Variants in LINGO1 observed in about 807,000 individuals in gnomAD.
The protein encoded by LINGO1 is leucine-rich repeat and immunoglobulin-like domain-containing nogo receptor-interacting protein 1.
In LINGO1, 11 loss-of-function variants were observed where a neutral mutation model predicts 37.3. The observed-to-expected ratio is 0.29, with a 90% CI of 0.19 to 0.49. The LOEUF (loss-of-function observed/expected upper bound fraction) is 0.49. Among genes scored for constraint, LINGO1 ranks in the 20% least tolerant of loss-of-function variants. The pLI, the probability that LINGO1 is intolerant of heterozygous loss-of-function variation, is 0.99. For synonymous variants in LINGO1, 387 were observed against 403.0 expected (o/e 0.96, Z 0.48); for missense variants, 585 against 878.2 (o/e 0.67, Z 4.22).
chr15:77,754,475 T>G (rs546696935), intron 1 of LINGO1, among the ~76,000 whole-genome samples: 1 of 152,248 alleles, frequency 6.6e-6, no homozygotes, highest in African/African-American at 2.4e-5. Flanking sequence ...CTGATTTGCA[T>G]GTATTGAGCA....
At chr15:77,808,320 G>T (rs970547467) in intron 1 of LINGO1, among the ~76,000 whole-genome samples, 5 of 152,140 alleles carry the variant, frequency 3.3e-5, no homozygotes, top group African/African-American at 1.2e-4. Context: ...CAGTTTCGCC[G>T]CAAGGCCTTT....
At chr15:77,795,924 A>C (rs1461116060) in intron 2 of LINGO1, 1 of 152,316 alleles carries the variant, frequency 6.6e-6, no homozygotes, top group African/African-American at 2.4e-5. Context: ...CCTGCCACCC[A>C]GAGTGGCATC....
In LINGO1 at chr15:77,763,022, A is replaced by G. The variant is rs1227611933; in HGVS notation, c.-257+23847T>C. Among the ~76,000 whole-genome samples the G allele has an allele frequency of 2.0e-5, 3 of 152,242 alleles. No individual in the cohort carries two copies. The South Asian group carries it at 6.2e-4, about 31-fold the overall frequency. On this transcript the variant is annotated intron_variant, in intron 1 of 3. Transcript: ENST00000561686. ...GGAAGACCAAAAATGAGGAGCCATCAGAGAACTGCCGAGAAAGGGAGGTGC... is the reference window on the plus strand; with the variant it reads ...GGAAGACCAAAAATGAGGAGCCATCGGAGAACTGCCGAGAAAGGGAGGTGC...
At position 77,691,481 on chromosome 15, in the gene LINGO1, C is replaced by A. The variant is rs2075601930; in HGVS notation, c.-280-580G>T. 2.6e-5 allele frequency among the ~76,000 whole-genome samples: 4 copies of A among 151,350 alleles called. No homozygotes were observed. The South Asian group carries it at 8.4e-4, about 32-fold the overall frequency. ...TGTCTTGATACCCATGCTGCCATCC[C>A]TAGGGAAGGGATGTCCCTGGGGAAG... On this transcript the variant is annotated intron_variant, in intron 1 of 3. Transcript: ENST00000559893.
intron 1 of LINGO1, among the ~76,000 whole-genome samples, chr15:77,811,909 A>G (rs2077008571): frequency 6.6e-6 from 1 of 151,724 alleles, no homozygotes; most frequent in Admixed American, 6.6e-5. Flanking sequence ...TATTCTCTCT[A>G]CTTTTTCGTA....
chr15:77,812,457 CA>C (rs879531983), intron 1 of LINGO1, among the ~76,000 whole-genome samples: 1 of 152,326 alleles, frequency 6.6e-6, no homozygotes, highest in Admixed American at 6.5e-5. Flanking sequence ...AGACTGGAAG[CA>C]AAATAAGGAA....
chr15:77,760,510 GA>G (rs2076464535), intron 1 of LINGO1, among the ~76,000 whole-genome samples: 2 of 152,244 alleles, frequency 1.3e-5, no homozygotes, highest in Admixed American at 6.5e-5. Flanking sequence ...TGGAAAAGTT[GA>G]ATCTGGCCAC....
At chr15:77,753,406 G>A (rs776398754) in intron 1 of LINGO1, among the ~76,000 whole-genome samples, 3 of 152,244 alleles carry the variant, frequency 2.0e-5, no homozygotes, top group Non-Finnish European at 2.9e-5. Flanking sequence ...TGGAGGCTAT[G>A]TTCAGCTGGG....
intron 3 of LINGO1, among the ~76,000 whole-genome samples, chr15:77,640,742 G>C (rs2074484934): frequency 6.6e-6 from 1 of 152,304 alleles, no homozygotes; most frequent in Non-Finnish European, 1.5e-5. Context: ...AACAGGAGAG[G>C]CTTCCTGGGG....
At chr15:77,781,034 G>A (rs1466500130) in intron 1 of LINGO1, among the ~76,000 whole-genome samples, 2 of 152,232 alleles carry the variant, frequency 1.3e-5, no homozygotes, top group Admixed American at 1.3e-4. Flanking sequence ...GACAAGCCTG[G>A]GCTGACTGTA....
intron 1 of LINGO1, among the ~76,000 whole-genome samples, chr15:77,781,855 C>T (rs986151036): frequency 1.3e-5 from 2 of 152,168 alleles, no homozygotes; most frequent in Admixed American, 6.5e-5. Flanking sequence ...CCCTCAGGGC[C>T]CCCGGCCAGA....
intron 1 of LINGO1, among the ~76,000 whole-genome samples, chr15:77,796,887 ATT>A (rs1168866541): frequency 6.6e-6 from 1 of 151,902 alleles, no homozygotes; most frequent in African/African-American, 2.4e-5. Context: ...TAATTTTTTA[ATT>A]TTTTTGTAAA....
chr15:77,621,953 G>A (rs1385205999), intron 1 of LINGO1, among the ~76,000 whole-genome samples: 2 of 152,230 alleles, frequency 1.3e-5, no homozygotes, highest in Admixed American at 1.3e-4. Flanking sequence ...TCTGCCCCAC[G>A]AAGGCTGGGG....
intron 1 of LINGO1, among the ~76,000 whole-genome samples, chr15:77,785,398 C>A (rs543776485): frequency 6.6e-6 from 1 of 152,216 alleles, no homozygotes; most frequent in Non-Finnish European, 1.5e-5. Flanking sequence ...GGCCCTTGCA[C>A]TTCCCAACTG....
chr15:77,769,308 C>T (rs1054528539), intron 1 of LINGO1, among the ~76,000 whole-genome samples: 17 of 152,334 alleles, frequency 1.1e-4, no homozygotes, highest in East Asian at 3.9e-4. Flanking sequence ...CCCACTCGTC[C>T]CATCCCCACC....
intron 2 of LINGO1, among the ~76,000 whole-genome samples, chr15:77,718,943 G>C (rs1491001372): frequency 6.6e-6 from 1 of 150,750 alleles, no homozygotes; most frequent in African/African-American, 2.4e-5. Context: ...AAGAGAGGCT[G>C]GGGCTGGGCT....
intron 1 of LINGO1, among the ~76,000 whole-genome samples, chr15:77,783,266 G>A (rs949497472): frequency 2.0e-5 from 3 of 152,230 alleles, no homozygotes; most frequent in Admixed American, 1.3e-4. Context: ...TACCTGAGGG[G>A]AGGAGCAGTG....
chr15:77,715,565 C>A (rs958719701), intron 2 of LINGO1, among the ~76,000 whole-genome samples: 1 of 152,358 alleles, frequency 6.6e-6, no homozygotes, highest in East Asian at 1.9e-4. Context: ...GTACCACTGA[C>A]AGCTTGGGTA....
At chr15:77,754,209 G>A (rs1334058454) in intron 1 of LINGO1, among the ~76,000 whole-genome samples, 4 of 149,624 alleles carry the variant, frequency 2.7e-5, no homozygotes, top group Non-Finnish European at 5.9e-5. Flanking sequence ...GGAAAAGAGG[G>A]AAGAAGGGAA....
Sources: allele counts gnomAD v4.1 joint callset (sites outside exome capture counted in the v4.1 genomes callset), GRCh38; gene constraint gnomAD v4.1.1; transcripts MANE v1.5; gene names NCBI Gene and HGNC (gene_info 2026-07-23, HGNC 2026-07-21).